Variants in GRID2 observed in about 807,000 individuals in gnomAD.
The protein encoded by GRID2 is glutamate receptor ionotropic, delta-2.
Under a neutral mutation model 114.8 loss-of-function variants are expected in GRID2, and 33 were observed. That is an observed-to-expected ratio of 0.29 (90% CI 0.22 to 0.38). The LOEUF is 0.38. GRID2 is among the 10% of genes least tolerant of loss of function. The probability of loss-of-function intolerance (pLI) is 1.00; values close to 1 mark genes in which losing one functional copy is unlikely to be tolerated. For missense variants in GRID2, 1,184 were observed against 1,257.7 expected, an observed-to-expected ratio of 0.94 and a Z score of 0.89; for synonymous variants, 505 against 449.9, an observed-to-expected ratio of 1.12 and a Z score of -1.55.
At chr4:92,623,145 A>C (rs1157476594) in intron 2 of GRID2, among the ~76,000 whole-genome samples, 1 of 151,684 alleles carries the variant, frequency 6.6e-6, no homozygotes, top group Non-Finnish European at 1.5e-5. Context: ...AAAATATTTT[A>C]AAATAGTTAT....
intron 1 of GRID2, among the ~76,000 whole-genome samples, chr4:92,528,668 A>C (rs1280941246): frequency 1.3e-5 from 2 of 151,962 alleles, no homozygotes; most frequent in African/African-American, 4.8e-5. Context: ...GCATACATAC[A>C]TGCGGGGAAA....
In GRID2 at chr4:92,543,386, T is replaced by A. The variant is rs577419539; in HGVS notation, c.89-46745T>A. ...AATATTAAAAATAACCAATTTCAAATAGTAAGTGCTAAGTTCTATAAAAAT... is the reference window on the plus strand; with the variant it reads ...AATATTAAAAATAACCAATTTCAAAAAGTAAGTGCTAAGTTCTATAAAAAT... On this transcript the variant is annotated intron_variant, in intron 1 of 15. Transcript: ENST00000282020. Among the ~76,000 whole-genome samples, 3 of 152,278 alleles carry A rather than the reference T, an allele frequency of 2.0e-5. No homozygotes were observed. The East Asian group carries it at 5.8e-4, about 29-fold the overall frequency.
intron 1 of GRID2, among the ~76,000 whole-genome samples, chr4:92,401,583 T>G: frequency 6.6e-6 from 1 of 152,292 alleles, no homozygotes; most frequent in Non-Finnish European, 1.5e-5. Flanking sequence ...ATATAAAAAT[T>G]ATGTCTACAC....
chr4:92,584,997 A>C (rs1291904784), intron 1 of GRID2, among the ~76,000 whole-genome samples: 1 of 152,054 alleles, frequency 6.6e-6, no homozygotes, highest in Non-Finnish European at 1.5e-5. Flanking sequence ...CCTTCTTTTC[A>C]TGATCTTCTT....
At chr4:93,253,257 AAAAAC>A (rs1394570632) in intron 8 of GRID2, among the ~76,000 whole-genome samples, 4 of 152,138 alleles carry the variant, frequency 2.6e-5, no homozygotes, top group Non-Finnish European at 5.9e-5. Flanking sequence ...CTCTGTCTAA[AAAAAC>A]AAAACAAAAC....
At chr4:92,970,539 T>C (rs1375314645) in intron 2 of GRID2, among the ~76,000 whole-genome samples, 1 of 152,004 alleles carries the variant, frequency 6.6e-6, no homozygotes, top group African/African-American at 2.4e-5. Context: ...TTGACCTATG[T>C]AGCTAAATTA....
chr4:92,721,933 T>G (rs1735827779), intron 2 of GRID2, among the ~76,000 whole-genome samples: 1 of 152,142 alleles, frequency 6.6e-6, no homozygotes, highest in Admixed American at 6.6e-5. Context: ...AGTCAAGAAT[T>G]TGAAGGTCTA....
At chr4:93,720,017 G>T (rs1729218649) in intron 14 of GRID2, among the ~76,000 whole-genome samples, 1 of 152,092 alleles carries the variant, frequency 6.6e-6, no homozygotes. Flanking sequence ...GATGAAGTCT[G>T]TTTCATCATA....
At chr4:92,744,396 G>A (rs766690150) in intron 2 of GRID2, among the ~76,000 whole-genome samples, 6 of 151,360 alleles carry the variant, frequency 4.0e-5, no homozygotes, top group Non-Finnish European at 7.4e-5. Flanking sequence ...ACTGAGGCAG[G>A]AGAATTCCTT....
At chr4:93,320,043 ACTAT>A (rs971539289) in intron 8 of GRID2, among the ~76,000 whole-genome samples, 2 of 152,050 alleles carry the variant, frequency 1.3e-5, no homozygotes, top group Non-Finnish European at 2.9e-5. Context: ...ATCTAATATA[ACTAT>A]CTATAAGGAG....
At chr4:93,769,835 A>T (rs1191037135) in intron 15 of GRID2, among the ~76,000 whole-genome samples, 1 of 152,160 alleles carries the variant, frequency 6.6e-6, no homozygotes, top group Non-Finnish European at 1.5e-5. Flanking sequence ...AATTCCTCGT[A>T]TCTCTAAGAC....
At chr4:93,581,918 G>T (rs771364695) in intron 13 of GRID2, among the ~76,000 whole-genome samples, 3 of 152,108 alleles carry the variant, frequency 2.0e-5, no homozygotes, top group Non-Finnish European at 4.4e-5. Context: ...ATTGAAGATA[G>T]AAATGTCAAC....
chr4:93,508,521 A>ACTT (rs1269578329), intron 12 of GRID2, among the ~76,000 whole-genome samples: 1 of 152,132 alleles, frequency 6.6e-6, no homozygotes, highest in Non-Finnish European at 1.5e-5. Flanking sequence ...AACTACAAAT[A>ACTT]CTTCTGGTCA....
intron 14 of GRID2, among the ~76,000 whole-genome samples, chr4:93,764,783 A>G (rs780340827): frequency 6.6e-6 from 1 of 152,226 alleles, no homozygotes. Flanking sequence ...TAGATTAACA[A>G]TAACCACAGT....
Position 92,572,191 on chromosome 4 carries a change from T to C in GRID2, c.89-17940T>C, listed in dbSNP as rs568496879. ...ATCAAATAGATGCAATAAAAAATGA[T>C]AAAGGGGATATCACCACCGATCCCA... On this transcript the variant is annotated intron_variant, in intron 1 of 15. Coordinates refer to ENST00000282020, the MANE Select transcript of GRID2 (RefSeq NM_001510.4). Among the ~76,000 whole-genome samples, 4 of 152,010 alleles carry C rather than the reference T, an allele frequency of 2.6e-5. No homozygotes were observed. In the South Asian group the frequency reaches 6.2e-4, roughly 24 times the overall value.
At chr4:92,815,914 C>CAAAA (rs5860292) in intron 2 of GRID2, among the ~76,000 whole-genome samples, 9 of 46,866 alleles carry the variant, frequency 1.9e-4, no homozygotes, top group African/African-American at 3.5e-4. Flanking sequence ...GACCCTGTCT[C>CAAAA]AAAAAAAAAA....
intron 1 of GRID2, among the ~76,000 whole-genome samples, chr4:92,437,762 T>C (rs1732809212): frequency 6.6e-6 from 1 of 152,204 alleles, no homozygotes. Context: ...TACATCTACA[T>C]GGCAACTTGT....
At chr4:93,134,699 A>AT (rs1235336433) in intron 4 of GRID2, among the ~76,000 whole-genome samples, 1 of 152,080 alleles carries the variant, frequency 6.6e-6, no homozygotes, top group Non-Finnish European at 1.5e-5. Context: ...TTAAAATTTG[A>AT]TTTTTTAGCA....
chr4:92,404,757 A>G (rs1730947765), intron 1 of GRID2, among the ~76,000 whole-genome samples: 1 of 152,180 alleles, frequency 6.6e-6, no homozygotes, highest in South Asian at 2.1e-4. Flanking sequence ...GGAAGCCATT[A>G]TTTTCAGCAA....
Sources: gnomAD v4.1 joint callset for allele counts (sites outside exome capture counted in the v4.1 genomes callset) on GRCh38, gnomAD v4.1.1 for gene constraint, MANE v1.5 for transcripts, NCBI Gene and HGNC (gene_info 2026-07-23, HGNC 2026-07-21) for gene names.